ARHGAP23: variants seen among roughly 807,000 people sequenced by gnomAD.
ARHGAP23 encodes the protein rho GTPase-activating protein 23.
In ARHGAP23, 34 loss-of-function variants were observed where a neutral mutation model predicts 136.3. The observed-to-expected ratio is 0.25, with a 90% CI of 0.19 to 0.33. The LOEUF is 0.33. Ranked by LOEUF, ARHGAP23 falls within the 10% of genes least tolerant of loss-of-function variation. The probability of loss-of-function intolerance (pLI) is 1.00; values close to 1 mark genes in which losing one functional copy is unlikely to be tolerated. For missense variants in ARHGAP23, 1,808 were observed against 2,139.0 expected, an observed-to-expected ratio of 0.85 and a Z score of 3.05; for synonymous variants, 832 against 920.5, an observed-to-expected ratio of 0.90 and a Z score of 1.74.
At chr17:38,509,130 A>G (rs905821825) in intron 23 of ARHGAP23, among the ~76,000 whole-genome samples, 5 of 151,886 alleles carry the variant, frequency 3.3e-5, no homozygotes, top group Non-Finnish European at 7.4e-5. Context: ...CCAGAAGGCC[A>G]TGGGCGGCAG....
Position 38,462,921 on chromosome 17 carries a change from A to T in ARHGAP23, c.329A>T (p.His110Leu). 1 of 1,539,060 alleles carries T rather than the reference A, an allele frequency of 6.5e-7. No individual in the cohort carries two copies. Among genetic ancestry groups the T allele is most frequent in the Non-Finnish European group, 8.7e-7 (1 of 1,143,686 alleles). The change falls in exon 4 of 24, where the codon CAT becomes CTT. Residue 110 changes from histidine to leucine, a missense_variant. By Grantham distance (99) the His-to-Leu change is moderately conservative. Coordinates refer to ENST00000622683, the MANE Select transcript of ARHGAP23 (RefSeq NM_001199417.2). ...VKNVKEDGPA[H>L]RAGLRTGDRL... ...AATGTGAAGGAAGACGGCCCTGCCCATAGGGCGGGGCTTCGCACAGGTGAG... is the reference window on the plus strand; with the variant it reads ...AATGTGAAGGAAGACGGCCCTGCCCTTAGGGCGGGGCTTCGCACAGGTGAG...
chr17:38,420,406 C>A (rs1430811114), intron 1 of ARHGAP23, among the ~76,000 whole-genome samples: 2 of 152,200 alleles, frequency 1.3e-5, no homozygotes, highest in Admixed American at 1.3e-4. Flanking sequence ...CGCCCTAACT[C>A]CCTTCTTTTC....
chr17:38,440,708 G>A (rs774008494), intron 1 of ARHGAP23, among the ~76,000 whole-genome samples: 1 of 152,214 alleles, frequency 6.6e-6, no homozygotes, highest in Non-Finnish European at 1.5e-5. Context: ...TTTCTTTGGG[G>A]GCACACAAGT....
intron 7 of ARHGAP23, 43 bp downstream of exon 7, chr17:38,467,374 C>G: frequency 6.9e-7 from 1 of 1,446,862 alleles, no homozygotes; most frequent in Non-Finnish European, 9.1e-7. Context: ...ACTTAGCTGT[C>G]GGCTGTCTGT....
intron 7 of ARHGAP23, among the ~76,000 whole-genome samples, chr17:38,468,372 C>T (rs978166828): frequency 6.6e-6 from 1 of 151,724 alleles, no homozygotes; most frequent in South Asian, 2.1e-4. Context: ...GCCTCACCCC[C>T]GTGTTGGGAG....
intron 11 of ARHGAP23, among the ~76,000 whole-genome samples, chr17:38,474,730 A>G (rs531677615): frequency 5.2e-4 from 79 of 151,272 alleles, no homozygotes; most frequent in African/African-American, 1.8e-3. Context: ...GAAGAAGGCA[A>G]GAGACCCGGC....
intron 22 of ARHGAP23, among the ~76,000 whole-genome samples, chr17:38,499,638 G>T (rs1202391236): frequency 6.6e-6 from 1 of 152,122 alleles, no homozygotes; most frequent in Middle Eastern, 3.2e-3. Flanking sequence ...CGGCAGAGAG[G>T]GACCCCATGT....
At position 38,510,273 on chromosome 17, in the gene ARHGAP23, C is replaced by T; in HGVS notation, c.3777C>T (p.Ser1259=). ...CCACCCTGTCCACCATGGACCGCAG[C>T]GTGTGCTCGGGCGCTAGCGGTCGGC... ...GYSTLSTMDR[S]VCSGASGRRA... The change falls in exon 24 of 24, where the codon AGC becomes AGT. Residue 1259 remains serine (S), a synonymous_variant. Transcript: ENST00000622683. This position sits in a 1 kb window ranked among gnomAD's most constrained non-coding sequence, Gnocchi z 4.6. The T allele has an allele frequency of 1.5e-6, 2 of 1,299,424 alleles. No homozygotes were observed. Among genetic ancestry groups the T allele is most frequent in the South Asian group, 2.5e-5 (1 of 40,008 alleles). 80.5% of individuals were successfully genotyped at this position (1,299,424 alleles called of 1,614,324 possible). A position where few individuals can be genotyped will look rare whatever the true frequency, so the allele number is the denominator to read the frequency against.
intron 23 of ARHGAP23, chr17:38,500,903 A>G: frequency 2.0e-6 from 1 of 493,338 alleles, no homozygotes; most frequent in Non-Finnish European, 3.6e-6. Context: ...CAGACTCTGC[A>G]GTCAGACAGT....
chr17:38,470,227 C>T (rs549626764), intron 10 of ARHGAP23, among the ~76,000 whole-genome samples: 2 of 152,368 alleles, frequency 1.3e-5, no homozygotes, highest in Admixed American at 1.3e-4. Flanking sequence ...CCAGCCTCCG[C>T]TCCTGACATT....
At chr17:38,443,074 T>G (rs961743738) in intron 1 of ARHGAP23, among the ~76,000 whole-genome samples, 1 of 152,184 alleles carries the variant, frequency 6.6e-6, no homozygotes, top group Non-Finnish European at 1.5e-5. Context: ...TGACCTTGAG[T>G]GATGATCTTG....
At chr17:38,445,166 A>G (rs961799791) in intron 1 of ARHGAP23, among the ~76,000 whole-genome samples, 1 of 151,952 alleles carries the variant, frequency 6.6e-6, no homozygotes, top group African/African-American at 2.4e-5. Flanking sequence ...TTTTAAAAAA[A>G]TCACAAAATA....
chr17:38,421,988 G>T (rs1160720500), intron 1 of ARHGAP23, among the ~76,000 whole-genome samples: 1 of 152,210 alleles, frequency 6.6e-6, no homozygotes, highest in Non-Finnish European at 1.5e-5. Flanking sequence ...GTGATGTGTG[G>T]GGACCAGGTG....
chr17:38,473,801 G>A (rs1248937341), intron 11 of ARHGAP23, among the ~76,000 whole-genome samples: 2 of 152,192 alleles, frequency 1.3e-5, no homozygotes, highest in Non-Finnish European at 2.9e-5. Flanking sequence ...GAGGGTCCTG[G>A]GGAGAGGGGT....
chr17:38,448,993 A>G (rs2039097976), intron 1 of ARHGAP23, among the ~76,000 whole-genome samples: 1 of 150,824 alleles, frequency 6.6e-6, no homozygotes, highest in South Asian at 2.1e-4. Flanking sequence ...TAATTTTTAT[A>G]TTTTTTGTAG....
intron 1 of ARHGAP23, chr17:38,452,176 T>TC (rs1432874183): frequency 6.6e-6 from 1 of 151,422 alleles, no homozygotes; most frequent in East Asian, 2.0e-4. Flanking sequence ...CCCACCTCCG[T>TC]CCCCTAGGCT....
chr17:38,486,556 T>TA (rs1567817689), intron 17 of ARHGAP23, among the ~76,000 whole-genome samples: 3 of 141,712 alleles, frequency 2.1e-5, no homozygotes, highest in Admixed American at 2.1e-4. Context: ...TTTTTTTTTT[T>TA]AACACAAAAG....
At position 38,479,867 on chromosome 17, in the gene ARHGAP23, G is replaced by T; in HGVS notation, c.2613G>T (p.Leu871=). Residue 871 remains leucine (L), a synonymous_variant, in exon 14 of 24, where the codon CTG becomes CTT. Transcript: ENST00000622683. ...CACGTGGCCTCAGGACTCAGGACCT[G>T]CCCGCAGGGAGCAAGGGTAGGAAGG... The part of the protein sequence containing the change: ...SAARGLRTQD[L]PAGSKDDSAA... 1 of 1,524,004 alleles carries T rather than the reference G, an allele frequency of 6.6e-7. No homozygotes were observed. The highest frequency in any genetic ancestry group is 8.8e-7 in the Non-Finnish European group (1 of 1,133,752). 94.4% of individuals were successfully genotyped at this position (1,524,004 alleles called of 1,614,324 possible).
chr17:38,510,141 G>T lies in ARHGAP23; in HGVS notation c.3645G>T (p.Gly1215=), dbSNP rs563514191. Residue 1215 remains glycine (G), a synonymous_variant, in exon 24 of 24, where the codon GGG becomes GGT. Transcript: ENST00000622683. This position sits in a 1 kb window ranked among gnomAD's most constrained non-coding sequence, Gnocchi z 4.6. The part of the protein sequence containing the change: ...TAPGTQERPQ[G]PLPGAVAPEA... ...CGGGGACTCAGGAGCGGCCGCAGGG[G>T]CCGCTGCCTGGCGCCGTCGCCCCCG... The T allele has an allele frequency of 1.9e-4, 248 of 1,273,362 alleles. No homozygotes were observed. In the Middle Eastern group the frequency reaches 2.1e-3, roughly 11 times the overall value. 78.9% of individuals were successfully genotyped at this position (1,273,362 alleles called of 1,614,324 possible). A position where few individuals can be genotyped will look rare whatever the true frequency, so the allele number is the denominator to read the frequency against.
Sources: gnomAD v4.1 joint callset for allele counts (sites outside exome capture counted in the v4.1 genomes callset) on GRCh38, gnomAD v4.1.1 for gene constraint, Gnocchi (gnomAD v3.1) non-coding constraint, MANE v1.5 for transcripts, NCBI Gene and HGNC (gene_info 2026-07-23, HGNC 2026-07-21) for gene names.